LRRC1: variants seen among roughly 807,000 people sequenced by gnomAD.
The protein encoded by LRRC1 is leucine-rich repeat-containing protein 1.
A neutral mutation model predicts 69.9 loss-of-function variants in LRRC1; 28 were observed. The observed-to-expected ratio is 0.40, with a 90% confidence interval of 0.30 to 0.55. LRRC1 has a LOEUF of 0.55. LRRC1 is among the 20% of genes least tolerant of loss of function. The pLI is 0.47. For synonymous variants in LRRC1, 236 were observed against 240.2 expected, an observed-to-expected ratio of 0.98 and a Z score of 0.16; for missense variants, 498 against 609.0, an observed-to-expected ratio of 0.82 and a Z score of 1.92.
intron 4 of LRRC1, among the ~76,000 whole-genome samples, chr6:53,885,223 T>C (rs1767435553): frequency 1.3e-5 from 2 of 152,224 alleles, no homozygotes; most frequent in African/African-American, 2.4e-5. Context: ...AAAATGCACT[T>C]GAAACAGTGA....
intron 12 of LRRC1, chr6:53,920,424 T>C: frequency 1.9e-6 from 1 of 522,374 alleles, no homozygotes; most frequent in South Asian, 3.4e-5. Context: ...GGCAACCTTG[T>C]CCCAGGCCTT....
intron 2 of LRRC1, among the ~76,000 whole-genome samples, chr6:53,873,917 C>A (rs1159297301): frequency 6.6e-6 from 1 of 152,176 alleles, no homozygotes; most frequent in Non-Finnish European, 1.5e-5. Flanking sequence ...GATAATGAGG[C>A]ATCTCTTTTC....
intron 1 of LRRC1, among the ~76,000 whole-genome samples, chr6:53,825,964 T>A (rs1351510196): frequency 6.6e-6 from 1 of 151,978 alleles, no homozygotes; most frequent in Non-Finnish European, 1.5e-5. Flanking sequence ...TTGAGTAACT[T>A]ACTGGCTGAG....
intron 1 of LRRC1, among the ~76,000 whole-genome samples, chr6:53,824,742 T>C (rs1211822522): frequency 2.6e-5 from 4 of 152,168 alleles, no homozygotes. Flanking sequence ...AGAACCTTGG[T>C]AAATTTTGAG....
intron 10 of LRRC1, among the ~76,000 whole-genome samples, chr6:53,907,679 G>A (rs984284116): frequency 6.6e-6 from 1 of 150,456 alleles, no homozygotes; most frequent in Non-Finnish European, 1.5e-5. Context: ...ATTCACATTG[G>A]CTGACTGCTT....
At chr6:53,855,596 ATGTGCTGCCTGTAT>A (rs1181354066) in intron 2 of LRRC1, among the ~76,000 whole-genome samples, 1 of 152,178 alleles carries the variant, frequency 6.6e-6, no homozygotes, top group Non-Finnish European at 1.5e-5. Context: ...CTTACATTGA[ATGTGCTGCCTGTAT>A]TGTGGTGTGC....
At position 53,867,955 on chromosome 6, in the gene LRRC1, C is replaced by CA. The variant is rs573937295; in HGVS notation, c.278-11022dup. Among the ~76,000 whole-genome samples, 1,402 of 107,946 alleles carry CA rather than the reference C, an allele frequency of 0.013. 52 individuals are homozygous for CA. In the East Asian group the frequency reaches 0.15, roughly 12 times the overall value. 70.8% of individuals were successfully genotyped at this position (107,946 alleles called of 152,430 possible). On this transcript the variant is annotated intron_variant, in intron 2 of 13. Transcript: ENST00000370888. ...GCAACAAAACGAGACCCTGTCTTAC[C>CA]AAAAAAAAAAAAAAAATTTTTTTGT... is the stretch of plus-strand genomic sequence containing the variant.
rs1212497606 is a variant in LRRC1 at position 53,852,887 on chromosome 6, AAAAT to A, written c.277+10661_277+10664del. 2.0e-5 allele frequency among the ~76,000 whole-genome samples: 3 copies of A among 152,212 alleles called. No individual in the cohort carries two copies. The East Asian group carries it at 5.8e-4, about 29-fold the overall frequency. On this transcript the variant is annotated intron_variant, in intron 2 of 13. Transcript: ENST00000370888. ...CTTTGTCTGTTTGGGCTGCTATTAC[AAAAT>A]GCCTTAGACTGGATAATTTATAAAC...
intron 12 of LRRC1, among the ~76,000 whole-genome samples, chr6:53,919,971 C>A (rs1466886541): frequency 6.6e-6 from 1 of 152,194 alleles, no homozygotes; most frequent in Non-Finnish European, 1.5e-5. Flanking sequence ...TCTTAAAATC[C>A]AAACTGATAG....
chr6:53,886,191 G>C lies in LRRC1; in HGVS notation c.446+3215G>C, dbSNP rs191743282. Among the ~76,000 whole-genome samples, 893 of 152,096 alleles carry C rather than the reference G, an allele frequency of 5.9e-3. 7 individuals carry two copies. The highest frequency in any genetic ancestry group is 0.02 in the African/African-American group (847 of 41,490). ...TCATCCATAGGTTCTTGAAAACTGC[G>C]ACATCAAGTGAAACAAAGTATTATG... On this transcript the variant is annotated intron_variant, in intron 4 of 13. Coordinates refer to ENST00000370888, the MANE Select transcript of LRRC1 (RefSeq NM_018214.5).
chr6:53,904,667 A>G lies in LRRC1; in HGVS notation c.990+205A>G, dbSNP rs1435867462. On this transcript the variant is annotated intron_variant, in intron 10 of 13. Coordinates refer to ENST00000370888, the MANE Select transcript of LRRC1 (RefSeq NM_018214.5). ...ACATTAAGGAGAGTTGGAAAAGGTG[A>G]ATTTATAGGATTTTAAATGGGAGAA... The G allele has an allele frequency of 1.6e-5, 5 of 321,426 alleles. No individual in the cohort carries two copies. In the East Asian group the frequency reaches 2.1e-4, roughly 14 times the overall value. 19.9% of individuals were successfully genotyped at this position (321,426 alleles called of 1,614,324 possible).
At chr6:53,915,565 C>G (rs1171783147) in intron 11 of LRRC1, among the ~76,000 whole-genome samples, 2 of 152,196 alleles carry the variant, frequency 1.3e-5, no homozygotes, top group Non-Finnish European at 2.9e-5. Flanking sequence ...TCTTGCCACA[C>G]TACTGAGCAT....
At chr6:53,872,313 C>T (rs1211223152) in intron 2 of LRRC1, among the ~76,000 whole-genome samples, 1 of 151,994 alleles carries the variant, frequency 6.6e-6, no homozygotes, top group Non-Finnish European at 1.5e-5. Context: ...TATTTGGTTA[C>T]ATAAGTTCTT....
At position 53,795,203 on chromosome 6, in the gene LRRC1, C is replaced by T. The variant is rs1162982938; in HGVS notation, c.-54C>T. 9 of 1,509,860 alleles carry T rather than the reference C, an allele frequency of 6.0e-6. No individual in the cohort carries two copies. The highest frequency in any genetic ancestry group is 2.5e-5 in the South Asian group (2 of 79,418). 93.5% of individuals were successfully genotyped at this position (1,509,860 alleles called of 1,614,324 possible). ...GCGGAGCCGCCGGCCAGAGCGGGCT[C>T]GGAGCCCGGGTCTCCGCCGCTCGGG... On this transcript the variant is annotated 5_prime_UTR_variant, in exon 1 of 14. Coordinates refer to ENST00000370888, the MANE Select transcript of LRRC1 (RefSeq NM_018214.5).
At chr6:53,913,639 A>G (rs974271878) in intron 10 of LRRC1, among the ~76,000 whole-genome samples, 7 of 152,358 alleles carry the variant, frequency 4.6e-5, no homozygotes, top group Middle Eastern at 3.4e-3. Context: ...AATTTAGAAC[A>G]TGTACATCTA....
At chr6:53,872,270 T>G (rs953453597) in intron 2 of LRRC1, among the ~76,000 whole-genome samples, 4 of 152,106 alleles carry the variant, frequency 2.6e-5, no homozygotes, top group Admixed American at 2.6e-4. Flanking sequence ...TAAAAAAAAT[T>G]TTTATTTCCG....
chr6:53,856,088 A>C (rs192853999), intron 2 of LRRC1, among the ~76,000 whole-genome samples: 4 of 152,332 alleles, frequency 2.6e-5, no homozygotes, highest in African/African-American at 9.6e-5. Flanking sequence ...AAATTGTAAG[A>C]GATAAACTCA....
At chr6:53,919,116 A>T (rs1326665875) in intron 11 of LRRC1, 1 of 155,386 alleles carries the variant, frequency 6.4e-6, no homozygotes, top group Non-Finnish European at 1.4e-5. Flanking sequence ...GGCTGTGGCC[A>T]TCAGAGGTAA....
chr6:53,802,637 G>C (rs187918383), intron 1 of LRRC1, among the ~76,000 whole-genome samples: 1 of 152,314 alleles, frequency 6.6e-6, no homozygotes, highest in Admixed American at 6.5e-5. Context: ...GTTTTGTTTA[G>C]ATGAATGTGA....
Sources: gnomAD v4.1 joint callset for allele counts (sites outside exome capture counted in the v4.1 genomes callset) on GRCh38, gnomAD v4.1.1 for gene constraint, MANE v1.5 for transcripts, NCBI Gene and HGNC (gene_info 2026-07-23, HGNC 2026-07-21) for gene names.